Variants in S100A5 observed in about 807,000 individuals in gnomAD.
S100A5 encodes S100 calcium binding protein A5.
A neutral mutation model predicts 6.7 loss-of-function variants in S100A5; 5 were observed. The ratio of observed to expected loss-of-function variants is 0.75; its 90% CI spans 0.39 to 1.57. S100A5 has a LOEUF of 1.57. S100A5 is among the 40% of genes most tolerant of loss of function. S100A5 has a pLI of 0.03. For synonymous variants in S100A5, 49 were observed against 44.9 expected (o/e 1.09, Z -0.37); for missense variants, 129 against 110.8 (o/e 1.16, Z -0.74).
upstream of S100A5, chr1:153,541,260 C>T: frequency 2.9e-6 from 2 of 693,944 alleles, no homozygotes; most frequent in East Asian, 5.3e-5. Context: ...CCTCTTCTCC[C>T]TGAGCGCATG....
intron 2 of S100A5, among the ~76,000 whole-genome samples, chr1:153,538,306 A>T (rs1363475682): frequency 6.6e-6 from 1 of 152,180 alleles, no homozygotes; most frequent in Non-Finnish European, 1.5e-5. Flanking sequence ...AGGACGATGG[A>T]GTCAGGGTCC....
upstream of S100A5, chr1:153,543,629 C>G: frequency 1.0e-6 from 1 of 959,796 alleles, no homozygotes; most frequent in Non-Finnish European, 1.6e-6. Context: ...TCAAAACTTC[C>G]AAGAATCTTT....
At chr1:153,541,509 T>C, upstream of S100A5, 2 of 1,353,614 alleles carry the variant, frequency 1.5e-6, no homozygotes, top group South Asian at 1.2e-5. Flanking sequence ...CATGAGAAGT[T>C]GTTGGGGACT....
chr1:153,543,424 TC>T (rs1354189115), upstream of S100A5, among the ~76,000 whole-genome samples: 1 of 152,232 alleles, frequency 6.6e-6, no homozygotes, highest in Admixed American at 6.5e-5. Flanking sequence ...GGGGTCCCCT[TC>T]TCGGCTTTGA....
upstream of S100A5, among the ~76,000 whole-genome samples, chr1:153,541,138 T>C (rs186965540): frequency 1.3e-5 from 2 of 152,320 alleles, no homozygotes; most frequent in Admixed American, 1.3e-4. Context: ...GAGACTCAGC[T>C]GGGACCACAG....
chr1:153,539,960 C>T (rs1238317369), intron 2 of S100A5, 94 bp downstream of exon 2: 1 of 1,500,298 alleles, frequency 6.7e-7, no homozygotes, highest in Non-Finnish European at 9.1e-7. Context: ...CCACCCTGCC[C>T]CTGGCTTAGG....
chr1:153,539,996 T>A, intron 2 of S100A5, 58 bp downstream of exon 2: 3 of 1,593,380 alleles, frequency 1.9e-6, no homozygotes, highest in Non-Finnish European at 2.6e-6. Context: ...GGTAGGTATG[T>A]GTCCCCCAGA....
At chr1:153,539,264 T>G (rs1268325845) in intron 2 of S100A5, among the ~76,000 whole-genome samples, 1 of 150,810 alleles carries the variant, frequency 6.6e-6, no homozygotes, top group Non-Finnish European at 1.5e-5. Context: ...CCATCTCTAC[T>G]AAAAATACAA....
At chr1:153,540,003 C>T in intron 2 of S100A5, 51 bp downstream of exon 2, 3 of 1,604,134 alleles carry the variant, frequency 1.9e-6, no homozygotes, top group Non-Finnish European at 2.6e-6. Context: ...ATGTGTCCCC[C>T]AGAGGGAGTA....
chr1:153,542,795 A>G (rs1256802166), upstream of S100A5, among the ~76,000 whole-genome samples: 2 of 151,906 alleles, frequency 1.3e-5, no homozygotes, highest in Admixed American at 6.6e-5. Context: ...AATAATCTCA[A>G]TTTCATTTGT....
At position 153,540,633 on chromosome 1, in the gene S100A5, A is replaced by T. The variant is rs1318597500; in HGVS notation, c.-27T>A. On this transcript the variant is annotated 5_prime_UTR_variant, in exon 1 of 3. Coordinates refer to ENST00000368717, the MANE Select transcript of S100A5 (RefSeq NM_001394232.1). ...GTGCCTGAATCACCTGATATCGAGG[A>T]GTGTCCCATTATTAAAGTCGGGGAC... 1.7e-5 allele frequency: 3 copies of T among 172,766 alleles called. No individual in the cohort carries two copies. Among genetic ancestry groups the T allele is most frequent in the Non-Finnish European group, 3.8e-5 (3 of 78,998 alleles). The allele number at this position is 172,766 out of a possible 1,614,324, so 10.7% of individuals were successfully genotyped here.
At chr1:153,543,278 G>A (rs1400313878), upstream of S100A5, 1 of 985,172 alleles carries the variant, frequency 1.0e-6, no homozygotes, top group East Asian at 1.1e-4. Context: ...CCCCAACCAG[G>A]AACAGATATG....
chr1:153,541,930 A>T, upstream of S100A5: 1 of 980,524 alleles, frequency 1.0e-6, no homozygotes, highest in Non-Finnish European at 1.2e-6. Flanking sequence ...ATGAGCTAAT[A>T]TGGGCCCAGA....
In S100A5 at chr1:153,537,387, C is replaced by A. The variant is rs1346037831; in HGVS notation, c.188G>T (p.Ser63Ile). Residue 63 changes from serine (S) to isoleucine (I), a missense_variant, in exon 3 of 3, where the codon AGC (serine) becomes ATC (isoleucine). Physicochemically the swap from Ser to Ile is moderately radical, Grantham distance 142. Transcript: ENST00000368717. ...CTCCTTGAAGTCGATCTCCTGGTCG[C>A]TGTTCTTGTCCAGGCTCTTCATCAA... ...DDLMKSLDKN[S>I]DQEIDFKEYS... 2.5e-6 allele frequency: 4 copies of A among 1,614,088 alleles called. No individual in the cohort carries two copies. In the African/African-American group the frequency reaches 5.3e-5, roughly 22 times the overall value.
In S100A5 at chr1:153,540,111, C is replaced by G; in HGVS notation, c.81G>C (p.Leu27=). 6.2e-7 allele frequency: 1 copy of G among 1,614,162 alleles called. No individual in the cohort carries two copies. The highest frequency in any genetic ancestry group is 1.3e-5 in the African/African-American group (1 of 75,034). The change falls in exon 2 of 3, where the codon CTG becomes CTC. Residue 27 remains leucine, a synonymous_variant. Transcript: ENST00000368717. Reference sequence around the variant, plus strand: ...CCTTGAGTTCCTTCCTACTCAGGGTCAGTTTGCTACCCTCTCTCCCCGAAT... The same window carrying G: ...CCTTGAGTTCCTTCCTACTCAGGGTGAGTTTGCTACCCTCTCTCCCCGAAT... ...HKYSGREGSK[L]TLSRKELKEL... is the part of the protein sequence containing the mutation.
intron 2 of S100A5, among the ~76,000 whole-genome samples, chr1:153,539,473 A>ATATTTATTTATT (rs768022289): frequency 7.8e-5 from 9 of 115,174 alleles, no homozygotes; most frequent in African/African-American, 4.0e-4. Flanking sequence ...ATATATATAT[A>ATATTTATTTATT]TATTTATTTA....
chr1:153,540,928 G>A lies in S100A5; in HGVS notation c.-322C>T, dbSNP rs1665364459. Among the ~76,000 whole-genome samples the A allele has an allele frequency of 6.6e-6, 1 of 152,194 alleles. No homozygotes were observed. The highest frequency in any genetic ancestry group is 2.1e-4 in the South Asian group (1 of 4,836). On this transcript the variant is annotated 5_prime_UTR_variant, in exon 1 of 3. Coordinates refer to ENST00000368717, the MANE Select transcript of S100A5 (RefSeq NM_001394232.1). ...ACAGCCACCCTCAGCCAAGGGAAGA[G>A]ACAGATGGAGCTCAAGTGACTCAGA...
At chr1:153,541,813 G>A (rs1557890652), upstream of S100A5, 17 of 1,047,340 alleles carry the variant, frequency 1.6e-5, no homozygotes, top group African/African-American at 6.9e-5. Context: ...TCTCCACATC[G>A]GGCCCCTCCC....
At chr1:153,540,314 A>T in intron 1 of S100A5, 109 bp from the exon 2 acceptor site, 1 of 1,156,438 alleles carries the variant, frequency 8.6e-7, no homozygotes, top group Non-Finnish European at 1.2e-6. Context: ...ACCCAGGATG[A>T]GACTGAAATC....
Sources: gnomAD v4.1 joint callset for allele counts (sites outside exome capture counted in the v4.1 genomes callset) on GRCh38, gnomAD v4.1.1 for gene constraint, MANE v1.5 for transcripts, NCBI Gene and HGNC (gene_info 2026-07-23, HGNC 2026-07-21) for gene names.